UBE3B: variants seen among roughly 807,000 people sequenced by gnomAD.
UBE3B encodes ubiquitin protein ligase E3B.
UBE3B carries 80 observed loss-of-function variants against 132.3 expected under a neutral mutation model. That is an observed-to-expected ratio of 0.60 (90% CI 0.50 to 0.73). The LOEUF (loss-of-function observed/expected upper bound fraction) is 0.73, where lower values mean the gene tolerates loss of function less well. UBE3B is among the 30% of genes least tolerant of loss of function. The probability of loss-of-function intolerance (pLI) is 0.00; values close to 1 mark genes in which losing one functional copy is unlikely to be tolerated. For missense variants in UBE3B, 1,196 were observed against 1,362.5 expected (o/e 0.88, Z 1.92); for synonymous variants, 487 against 520.4 (o/e 0.94, Z 0.87).
At chr12:109,495,035 T>C (rs1266285247) in intron 9 of UBE3B, among the ~76,000 whole-genome samples, 3 of 152,238 alleles carry the variant, frequency 2.0e-5, no homozygotes, top group Non-Finnish European at 4.4e-5. Context: ...GGAATTGTGC[T>C]CTTCTGTTTT....
chr12:109,546,949 A>T, the UBE3B span, among the ~76,000 whole-genome samples: 1 of 152,134 alleles, frequency 6.6e-6, no homozygotes, highest in Admixed American at 6.5e-5. Context: ...GGCTCAAGCG[A>T]TCCTCCTGCC....
intron 22 of UBE3B, 99 bp downstream of exon 22, chr12:109,524,214 T>A (rs1882040109): frequency 6.6e-7 from 1 of 1,513,546 alleles, no homozygotes; most frequent in East Asian, 2.3e-5. Context: ...TTATTGCTGT[T>A]GCTGTAGCTG....
chr12:109,488,342 C>T (rs868180107), intron 6 of UBE3B, among the ~76,000 whole-genome samples: 1 of 152,186 alleles, frequency 6.6e-6, no homozygotes, highest in Non-Finnish European at 1.5e-5. Context: ...TTCTCCATTC[C>T]CAAGAATAAT....
Position 109,534,899 on chromosome 12 carries a change from T to A in UBE3B, c.*117T>A. On this transcript the variant is annotated 3_prime_UTR_variant, in exon 28 of 28. Coordinates refer to ENST00000342494, the MANE Select transcript of UBE3B (RefSeq NM_130466.4). This position sits in a 1 kb window ranked among gnomAD's most constrained non-coding sequence, Gnocchi z 5.2. Reference sequence around the variant, plus strand: ...CCAGGTGACATTGGCCCCTAGACCCTCTCTATAGCCATGAGACTCCTTGTG... The same window carrying A: ...CCAGGTGACATTGGCCCCTAGACCCACTCTATAGCCATGAGACTCCTTGTG... 1 of 844,224 alleles carries A rather than the reference T, an allele frequency of 1.2e-6. No individual in the cohort carries two copies. The highest frequency in any genetic ancestry group is 1.7e-6 in the Non-Finnish European group (1 of 578,444). The allele number at this position is 844,224 out of a possible 1,614,324, so 52.3% of individuals were successfully genotyped here.
intron 26 of UBE3B, among the ~76,000 whole-genome samples, chr12:109,532,995 C>A (rs960558857): frequency 6.6e-6 from 1 of 152,230 alleles, no homozygotes; most frequent in Non-Finnish European, 1.5e-5. Context: ...GCGGGTCTCC[C>A]GGGCTCCCTC....
chr12:109,521,283 A>C lies in UBE3B; in HGVS notation c.2212A>C (p.Ile738Leu). ...DGVFKEFLEE[I>L]IKRVFDPALN... ...TGTTTTTAAGGAGTTCTTGGAAGAGATCATCAAGAGAGTTTTTGACCCAGC... is the reference window on the plus strand; with the variant it reads ...TGTTTTTAAGGAGTTCTTGGAAGAGCTCATCAAGAGAGTTTTTGACCCAGC... Residue 738 changes from isoleucine (I) to leucine (L), a missense_variant, in exon 20 of 28, where the codon ATC becomes CTC. Coordinates refer to ENST00000342494, the MANE Select transcript of UBE3B (RefSeq NM_130466.4). The surrounding 1 kb of genome is among the most constrained non-coding windows in gnomAD (Gnocchi z 4.2). 6.2e-7 allele frequency: 1 copy of C among 1,614,172 alleles called. No homozygotes were observed. Among genetic ancestry groups the C allele is most frequent in the East Asian group, 2.2e-5 (1 of 44,884 alleles).
chr12:109,529,904 A>G lies in UBE3B; in HGVS notation c.2642A>G (p.His881Arg). ...GTTGGCAACAGAATTAGCTACATCC[A>G]TCTGATGGCACATTTTCGAATGCAC... ...VTNENKISYIHLMAHFRMHTQ... is the reference protein window; with the variant it reads ...VTNENKISYIRLMAHFRMHTQ... The change falls in exon 25 of 28, where the codon CAT (histidine) becomes CGT (arginine). Residue 881 changes from histidine (H) to arginine (R), a missense_variant. Transcript: ENST00000342494. The G allele has an allele frequency of 6.2e-7, 1 of 1,614,226 alleles. No homozygotes were observed. Among genetic ancestry groups the G allele is most frequent in the Non-Finnish European group, 8.5e-7 (1 of 1,180,048 alleles).
chr12:109,533,967 G>T, intron 27 of UBE3B: 2 of 1,303,870 alleles, frequency 1.5e-6, no homozygotes, highest in Non-Finnish European at 1.0e-6. Context: ...GTCCAGGCTC[G>T]CTGCTTCATT....
chr12:109,483,434 T>C (rs1480109669), intron 2 of UBE3B, 97 bp from the exon 3 acceptor site: 2 of 1,311,582 alleles, frequency 1.5e-6, no homozygotes, highest in African/African-American at 3.0e-5. Context: ...GTATCTCTGC[T>C]GCCCAGGTCC....
intron 1 of UBE3B, among the ~76,000 whole-genome samples, chr12:109,478,877 AGTG>A (rs1592861226): frequency 6.6e-6 from 1 of 152,358 alleles, no homozygotes; most frequent in East Asian, 1.9e-4. Flanking sequence ...GCCCAGAACA[AGTG>A]GTGGTGGTCA....
At chr12:109,496,443 C>T (rs1201011210) in intron 9 of UBE3B, among the ~76,000 whole-genome samples, 2 of 152,196 alleles carry the variant, frequency 1.3e-5, no homozygotes, top group African/African-American at 4.8e-5. Flanking sequence ...CCATGCTTAA[C>T]CTTTTGAAGA....
At chr12:109,543,001 C>T in the UBE3B span, among the ~76,000 whole-genome samples, 3 of 151,944 alleles carry the variant, frequency 2.0e-5, no homozygotes, top group Non-Finnish European at 4.4e-5. Flanking sequence ...TCACAGGAAC[C>T]GGCAGCTGCT....
intron 9 of UBE3B, among the ~76,000 whole-genome samples, chr12:109,494,654 A>G (rs1249236456): frequency 6.6e-6 from 1 of 152,244 alleles, no homozygotes. Context: ...GGTAGGCTAA[A>G]GAAAGATTCT....
chr12:109,501,592 G>A (rs1284253057), intron 13 of UBE3B, 58 bp downstream of exon 13: 3 of 1,563,172 alleles, frequency 1.9e-6, no homozygotes, highest in Non-Finnish European at 2.6e-6. Context: ...TACAGCTCCT[G>A]TTTCTTCCTA....
chr12:109,482,126 A>T (rs1463641561), intron 2 of UBE3B, among the ~76,000 whole-genome samples: 4 of 152,182 alleles, frequency 2.6e-5, no homozygotes, highest in Non-Finnish European at 2.9e-5. Context: ...AATAACACGT[A>T]ATTAATTTAA....
chr12:109,498,252 C>A lies in UBE3B; in HGVS notation c.839C>A (p.Ser280Tyr). The change falls in exon 11 of 28, where the codon TCC becomes TAC. Residue 280 changes from serine (S) to tyrosine (Y), a missense_variant. Transcript: ENST00000342494. Reference protein sequence around the residue: ...VTPERLTVLESHDMLRKFIIF... With the variant: ...VTPERLTVLEYHDMLRKFIIF... ...TTGCAGCGCCTCACTGTTTTAGAAT[C>A]CCATGACATGCTTCGTAAATTCATC... 1 of 1,614,068 alleles carries A rather than the reference C, an allele frequency of 6.2e-7. No homozygotes were observed.
chr12:109,526,709 GA>G (rs1235129752), intron 24 of UBE3B, among the ~76,000 whole-genome samples: 1 of 151,856 alleles, frequency 6.6e-6, no homozygotes, highest in Non-Finnish European at 1.5e-5. Context: ...CGTCTCTACT[GA>G]AAATACAAAA....
intron 24 of UBE3B, among the ~76,000 whole-genome samples, 178 bp from the exon 25 acceptor site, chr12:109,529,712 G>A (rs1354484724): frequency 2.0e-5 from 3 of 152,172 alleles, no homozygotes; most frequent in Non-Finnish European, 4.4e-5. Context: ...CGTATGGTGT[G>A]CAGTTCGTGA....
At chr12:109,502,250 C>A (rs1433394485) in intron 13 of UBE3B, among the ~76,000 whole-genome samples, 7 of 152,160 alleles carry the variant, frequency 4.6e-5, no homozygotes, top group Non-Finnish European at 1.0e-4. Context: ...TAGAGCTTTT[C>A]TGAGTTCTTA....
Sources: gnomAD v4.1 joint callset for allele counts (sites outside exome capture counted in the v4.1 genomes callset) on GRCh38, gnomAD v4.1.1 for gene constraint, Gnocchi (gnomAD v3.1) non-coding constraint, MANE v1.5 for transcripts, NCBI Gene and HGNC (gene_info 2026-07-23, HGNC 2026-07-21) for gene names.